Variants in ZFHX3 observed in about 807,000 individuals in gnomAD.
ZFHX3 encodes the protein zinc finger homeobox 3, also known as zinc finger homeobox protein 3.
In ZFHX3, 42 loss-of-function variants were observed where a neutral mutation model predicts 279.1. The observed-to-expected ratio is 0.15, with a 90% CI of 0.12 to 0.19. The LOEUF is 0.19. Among genes scored for constraint, ZFHX3 ranks in the 10% least tolerant of loss-of-function variants. ZFHX3 has a pLI of 1.00. For missense variants in ZFHX3, 4,981 were observed against 4,754.0 expected (o/e 1.05, Z -1.40); for synonymous variants, 2,293 against 1,957.8 (o/e 1.17, Z -4.52).
intron 2 of ZFHX3, among the ~76,000 whole-genome samples, chr16:73,579,305 A>G (rs918462537): frequency 6.6e-6 from 1 of 152,116 alleles, no homozygotes; most frequent in Non-Finnish European, 1.5e-5. Context: ...TAAGATGTAT[A>G]AACCCAGACG....
At chr16:73,119,848 C>T (rs12446786) in intron 7 of ZFHX3, among the ~76,000 whole-genome samples, 67,688 of 151,830 alleles carry the variant, frequency 0.45, 16,736 homozygotes, top group Middle Eastern at 0.6. Flanking sequence ...ATGGTTTATA[C>T]TTTTTATTTT....
chr16:72,932,313 A>G (rs997355839), intron 3 of ZFHX3, among the ~76,000 whole-genome samples: 2 of 152,210 alleles, frequency 1.3e-5, no homozygotes, highest in Non-Finnish European at 2.9e-5. Context: ...CCTTCTCACA[A>G]CGGATGATGT....
intron 5 of ZFHX3, among the ~76,000 whole-genome samples, chr16:73,197,166 G>A (rs578130214): frequency 6.6e-6 from 1 of 152,256 alleles, no homozygotes; most frequent in African/African-American, 2.4e-5. Flanking sequence ...ATAGAACTGA[G>A]TCTTGACACT....
chr16:73,548,896 T>G (rs1364966110), intron 2 of ZFHX3, among the ~76,000 whole-genome samples: 1 of 152,192 alleles, frequency 6.6e-6, no homozygotes, highest in African/African-American at 2.4e-5. Context: ...TCCCATTGAT[T>G]TACTTTCCCA....
At chr16:72,966,826 G>A (rs1483077153) in intron 1 of ZFHX3, among the ~76,000 whole-genome samples, 1 of 152,206 alleles carries the variant, frequency 6.6e-6, no homozygotes, top group Non-Finnish European at 1.5e-5. Context: ...AGGAAAGAGA[G>A]GTGGGGTCAC....
chr16:73,332,497 T>C (rs1157279974), intron 3 of ZFHX3, among the ~76,000 whole-genome samples: 1 of 152,362 alleles, frequency 6.6e-6, no homozygotes, highest in East Asian at 1.9e-4. Flanking sequence ...AGCACAGGTC[T>C]CTGGCTGAAC....
intron 3 of ZFHX3, among the ~76,000 whole-genome samples, chr16:73,422,744 C>A (rs1440412364): frequency 1.3e-5 from 2 of 152,178 alleles, no homozygotes; most frequent in African/African-American, 2.4e-5. Flanking sequence ...AGTCATCCTC[C>A]CAACTCCCTC....
At chr16:73,027,424 G>A (rs540279898) in intron 1 of ZFHX3, among the ~76,000 whole-genome samples, 2 of 152,236 alleles carry the variant, frequency 1.3e-5, no homozygotes, top group Non-Finnish European at 2.9e-5. Context: ...AATACAGCTT[G>A]CGCATGCAGG....
rs116152584 is a variant in ZFHX3 at position 73,647,024 on chromosome 16, C to T, written c.-1547+33156G>A. Among the ~76,000 whole-genome samples the T allele has an allele frequency of 1.2e-3, 162 of 133,854 alleles. 2 individuals are homozygous for T. Among genetic ancestry groups the T allele is most frequent in the Middle Eastern group, 3.8e-3 (1 of 264 alleles). 87.8% of individuals were successfully genotyped at this position (133,854 alleles called of 152,430 possible). A position where few individuals can be genotyped will look rare whatever the true frequency, so the allele number is the denominator to read the frequency against. On this transcript the variant is annotated intron_variant, in intron 2 of 17. Coordinates refer to the ZFHX3 transcript ENST00000641206. ...CTCGTTGTGCCAACCTTTTTTTTTT[C>T]TTTTTTTTTTTTTGAGACGGAACTC...
intron 1 of ZFHX3, among the ~76,000 whole-genome samples, chr16:73,791,018 G>A (rs1959807549): frequency 6.6e-6 from 1 of 152,214 alleles, no homozygotes; most frequent in South Asian, 2.1e-4. Context: ...AGGCTGGAGT[G>A]CAGCGGCACA....
intron 2 of ZFHX3, among the ~76,000 whole-genome samples, chr16:73,503,038 A>C (rs1324146491): frequency 6.6e-6 from 1 of 152,136 alleles, no homozygotes; most frequent in Non-Finnish European, 1.5e-5. Context: ...TGTTGTGCTC[A>C]CTCGGAACTG....
intron 4 of ZFHX3, among the ~76,000 whole-genome samples, chr16:72,843,722 C>A (rs186915133): frequency 7.0e-4 from 107 of 152,194 alleles, no homozygotes; most frequent in African/African-American, 2.5e-3. Context: ...ATCTTCCCTC[C>A]ATCAAGGTGG....
chr16:73,240,060 T>C (rs1053101571), intron 5 of ZFHX3, among the ~76,000 whole-genome samples: 14 of 152,024 alleles, frequency 9.2e-5, no homozygotes, highest in Admixed American at 3.3e-4. Flanking sequence ...TGTATATCTA[T>C]ACATATAGTT....
At chr16:73,453,650 A>G (rs2018319281) in intron 3 of ZFHX3, among the ~76,000 whole-genome samples, 1 of 152,188 alleles carries the variant, frequency 6.6e-6, no homozygotes. Context: ...AAGCAAGTGT[A>G]TTAGTCTGTT....
rs1055040699 is a variant in ZFHX3, at chr16:73,844,232, C to A, written c.-1608+47419G>T. Among the ~76,000 whole-genome samples, 11 of 152,196 alleles carry A rather than the reference C, an allele frequency of 7.2e-5. No homozygotes were observed. In the East Asian group the frequency reaches 1.9e-3, roughly 27 times the overall value. ...ACAAACCATAAAAAGAAAAGAGGTA[C>A]AAAATGCAGTGAAATGTATGGGTCC... is the stretch of plus-strand genomic sequence containing the variant. On this transcript the variant is annotated intron_variant, in intron 1 of 17. Coordinates refer to the ZFHX3 transcript ENST00000641206.
chr16:73,310,116 CCACACTGGT>C, intron 4 of ZFHX3, among the ~76,000 whole-genome samples: 1 of 152,066 alleles, frequency 6.6e-6, no homozygotes, highest in Non-Finnish European at 1.5e-5. Context: ...ACCATATTGG[CCACACTGGT>C]CTCGAACACC....
At chr16:73,568,684 G>A (rs1339518126) in intron 2 of ZFHX3, among the ~76,000 whole-genome samples, 4 of 152,202 alleles carry the variant, frequency 2.6e-5, no homozygotes, top group African/African-American at 9.7e-5. Flanking sequence ...CACCGTCATT[G>A]CCATTGTGCG....
intron 2 of ZFHX3, among the ~76,000 whole-genome samples, chr16:73,527,961 T>G (rs1045233341): frequency 6.6e-6 from 1 of 152,246 alleles, no homozygotes; most frequent in Non-Finnish European, 1.5e-5. Flanking sequence ...AGATGCTTGT[T>G]GTTGTTTCTG....
intron 3 of ZFHX3, among the ~76,000 whole-genome samples, chr16:72,891,440 G>A (rs1049871902): frequency 6.6e-6 from 1 of 152,196 alleles, no homozygotes; most frequent in African/African-American, 2.4e-5. Flanking sequence ...CAATGTTTCT[G>A]AGTCTCCTGG....
Sources: gnomAD v4.1 joint callset for allele counts (sites outside exome capture counted in the v4.1 genomes callset) on GRCh38, gnomAD v4.1.1 for gene constraint, MANE v1.5 for transcripts, NCBI Gene and HGNC (gene_info 2026-07-23, HGNC 2026-07-21) for gene names.